The following NPHP4 variants were observed in gnomAD, a reference collection of about 807,000 sequenced individuals.
NPHP4 encodes nephrocystin-4.
Under a neutral mutation model 155.8 loss-of-function variants are expected in NPHP4, and 151 were observed. The ratio of observed to expected loss-of-function variants is 0.97; its 90% CI spans 0.85 to 1.11. NPHP4 has a LOEUF of 1.11. NPHP4 is among the 50% of genes least tolerant of loss of function. The probability of loss-of-function intolerance (pLI) is 0.00; values close to 1 mark genes in which losing one functional copy is unlikely to be tolerated. For synonymous variants in NPHP4, 845 were observed against 816.8 expected, an observed-to-expected ratio of 1.03 and a Z score of -0.59; for missense variants, 1,956 against 1,925.7, an observed-to-expected ratio of 1.02 and a Z score of -0.29.
intron 23 of NPHP4, among the ~76,000 whole-genome samples, chr1:5,870,744 G>A (rs965245310): frequency 1.3e-5 from 2 of 152,240 alleles, no homozygotes; most frequent in Admixed American, 1.3e-4. Context: ...TAGAGGACAC[G>A]GCAAATGTCT....
chr1:5,939,383 T>C (rs1179086649), intron 9 of NPHP4, among the ~76,000 whole-genome samples: 1 of 152,196 alleles, frequency 6.6e-6, no homozygotes, highest in Non-Finnish European at 1.5e-5. Context: ...TTTGGAGCCA[T>C]GGCCTGGGTT....
chr1:5,880,251 A>AC lies in NPHP4; in HGVS notation c.2486-13dup. ...TTCACACGGGTGACCTACATGAAAA[A>AC]CATCCCAACATAAGACATGAACCCC... is the stretch of plus-strand genomic sequence containing the variant. On this transcript the variant is annotated splice_polypyrimidine_tract_variant and intron_variant, in intron 18 of 29. Transcript: ENST00000378156. The AC allele has an allele frequency of 1.2e-6, 2 of 1,612,906 alleles. No individual in the cohort carries two copies.
intron 9 of NPHP4, among the ~76,000 whole-genome samples, chr1:5,937,534 G>C (rs1209506804): frequency 6.6e-6 from 1 of 152,238 alleles, no homozygotes; most frequent in Non-Finnish European, 1.5e-5. Flanking sequence ...CCCAGCCTCT[G>C]GCCCTGGGCC....
chr1:5,900,504 G>T (rs1376657172), intron 16 of NPHP4, among the ~76,000 whole-genome samples: 1 of 152,112 alleles, frequency 6.6e-6, no homozygotes, highest in Non-Finnish European at 1.5e-5. Flanking sequence ...TTCTGGAAGA[G>T]GCAACATGGA....
chr1:5,948,091 A>G lies in NPHP4; in HGVS notation c.971T>C (p.Val324Ala), dbSNP rs1176397468. ...LTRSASFSRK[V>A]VSSSKTSSGS... ...ATACCTGGTCTTGGAAGAGGAGACCACTTTCCTGCTGAAGCTAGCTGAGCG... is the reference window on the plus strand; with the variant it reads ...ATACCTGGTCTTGGAAGAGGAGACCGCTTTCCTGCTGAAGCTAGCTGAGCG... Residue 324 changes from valine to alanine, a missense_variant, in exon 8 of 30, where the codon GTG becomes GCG. Val to Ala is a moderately conservative substitution (Grantham distance 64). Coordinates refer to ENST00000378156, the MANE Select transcript of NPHP4 (RefSeq NM_015102.5). 6.2e-7 allele frequency: 1 copy of G among 1,613,740 alleles called. No homozygotes were observed. The highest frequency in any genetic ancestry group is 8.5e-7 in the Non-Finnish European group (1 of 1,179,810).
At chr1:5,967,217 T>C in intron 5 of NPHP4, 82 bp downstream of exon 5, 1 of 1,057,256 alleles carries the variant, frequency 9.5e-7, no homozygotes, top group Non-Finnish European at 1.4e-6. Flanking sequence ...CTGAGAAAGA[T>C]CCCATTCAGA....
At chr1:5,879,775 G>GCACACA (rs34688152) in intron 19 of NPHP4, 18 of 328,444 alleles carry the variant, frequency 5.5e-5, no homozygotes, top group Admixed American at 4.5e-4. Context: ...CACGAATGGT[G>GCACACA]CGCACACACA....
At chr1:5,989,877 C>T (rs757436073) in intron 1 of NPHP4, among the ~76,000 whole-genome samples, 3 of 152,216 alleles carry the variant, frequency 2.0e-5, no homozygotes, top group Non-Finnish European at 1.5e-5. Flanking sequence ...AGCATGCCGG[C>T]CCCCTGCTGT....
intron 18 of NPHP4, 64 bp downstream of exon 18, chr1:5,887,222 C>G (rs1216763364): frequency 6.8e-7 from 1 of 1,469,704 alleles, no homozygotes; most frequent in Non-Finnish European, 9.3e-7. Flanking sequence ...CCCGAGGGAG[C>G]CCACACTCTA....
chr1:5,964,941 A>ATATATTTTT lies in NPHP4; in HGVS notation c.517+2357_517+2358insAAAAATATA. 1.3e-3 allele frequency among the ~76,000 whole-genome samples: 76 copies of ATATATTTTT among 59,406 alleles called. 3 individuals carry two copies. Among genetic ancestry groups the ATATATTTTT allele is most frequent in the African/African-American group, 4.1e-3 (48 of 11,788 alleles). The allele number at this position is 59,406 out of a possible 152,430, so 39.0% of individuals were successfully genotyped here. A position where few individuals can be genotyped will look rare whatever the true frequency, so the allele number is the denominator to read the frequency against. ...ATTATATATATATATATATATATAT[A>ATATATTTTT]TTTTTTTTTTTTGAGGCAGGGTCTC... On this transcript the variant is annotated intron_variant, in intron 5 of 29. Transcript: ENST00000378156.
intron 23 of NPHP4, among the ~76,000 whole-genome samples, chr1:5,872,187 C>T (rs369190308): frequency 6.6e-6 from 1 of 152,232 alleles, no homozygotes; most frequent in Non-Finnish European, 1.5e-5. Context: ...AGAATGTCCC[C>T]GTCTTCCCAC....
intron 2 of NPHP4, among the ~76,000 whole-genome samples, chr1:5,985,760 G>GA (rs1655383237): frequency 6.6e-6 from 1 of 152,314 alleles, no homozygotes; most frequent in Admixed American, 6.5e-5. Context: ...ACGAGTAAGT[G>GA]AAAATCAATA....
chr1:5,915,938 G>A (rs12086103), intron 11 of NPHP4, among the ~76,000 whole-genome samples: 3,342 of 152,226 alleles, frequency 0.022, 98 homozygotes, highest in African/African-American at 0.073. Flanking sequence ...GCTGTCTGTC[G>A]GAGAGGATGT....
At chr1:5,980,598 ACAGGGAGGGG>A in intron 2 of NPHP4, among the ~76,000 whole-genome samples, 1 of 152,152 alleles carries the variant, frequency 6.6e-6, no homozygotes, top group East Asian at 1.9e-4. Context: ...AGGAGGCGAG[ACAGGGAGGGG>A]CAGGGAGGGT....
intron 10 of NPHP4, among the ~76,000 whole-genome samples, chr1:5,932,793 C>T (rs1275189740): frequency 1.3e-5 from 2 of 152,066 alleles, no homozygotes; most frequent in Admixed American, 6.5e-5. Context: ...CCCACCTCAG[C>T]ACTCATCCAC....
chr1:5,955,345 T>C (rs1490887160), intron 6 of NPHP4, among the ~76,000 whole-genome samples: 5 of 152,326 alleles, frequency 3.3e-5, no homozygotes, highest in South Asian at 4.1e-4. Context: ...AAGTTGAAAA[T>C]AGAATTCCCA....
At chr1:5,873,377 C>T in intron 22 of NPHP4, 42 bp from the exon 23 acceptor site, 1 of 1,515,616 alleles carries the variant, frequency 6.6e-7, no homozygotes, top group East Asian at 2.2e-5. Flanking sequence ...GAAGCAACAC[C>T]ATTAGGCGAC....
chr1:5,952,875 A>G, intron 6 of NPHP4, 39 bp from the exon 7 acceptor site: 2 of 1,557,194 alleles, frequency 1.3e-6, no homozygotes, highest in Non-Finnish European at 1.7e-6. Flanking sequence ...ATCCTTGGGA[A>G]TAAAACACCC....
intron 6 of NPHP4, among the ~76,000 whole-genome samples, chr1:5,961,319 T>C (rs963480926): frequency 6.6e-6 from 1 of 152,170 alleles, no homozygotes; most frequent in Non-Finnish European, 1.5e-5. Flanking sequence ...AGCTCAGGGA[T>C]GGATGGTGCT....
Sources: gnomAD v4.1 joint callset for allele counts (sites outside exome capture counted in the v4.1 genomes callset) on GRCh38, gnomAD v4.1.1 for gene constraint, MANE v1.5 for transcripts, NCBI Gene and HGNC (gene_info 2026-07-23, HGNC 2026-07-21) for gene names.